The following MAP4K1 variants were observed in gnomAD, a reference collection of about 807,000 sequenced individuals.
The protein encoded by MAP4K1 is mitogen-activated protein kinase kinase kinase kinase 1.
A neutral mutation model predicts 122.8 loss-of-function variants in MAP4K1; 35 were observed. The ratio of observed to expected loss-of-function variants is 0.29; its 90% CI spans 0.22 to 0.38. MAP4K1 has a LOEUF of 0.38. Ranked by LOEUF, MAP4K1 falls within the 10% of genes least tolerant of loss-of-function variation. The probability of loss-of-function intolerance (pLI) is 1.00; values close to 1 mark genes in which losing one functional copy is unlikely to be tolerated. For missense variants in MAP4K1, 791 were observed against 1,072.6 expected, an observed-to-expected ratio of 0.74 and a Z score of 3.67; for synonymous variants, 412 against 421.3, an observed-to-expected ratio of 0.98 and a Z score of 0.27.
At position 38,614,053 on chromosome 19, in the gene MAP4K1, C is replaced by A; in HGVS notation, c.450G>T (p.Glu150Asp). 6.2e-7 allele frequency: 1 copy of A among 1,613,556 alleles called. No individual in the cohort carries two copies. The highest frequency in any genetic ancestry group is 8.5e-7 in the Non-Finnish European group (1 of 1,179,900). Residue 150 changes from glutamate to aspartate, a missense_variant, in exon 7 of 31, where the codon GAG becomes GAT. Transcript: ENST00000396857. The stretch of plus-strand genomic sequence containing the variant: ...CCCAGCCTTACTCACCCAATCTGAC[C>A]TCCCCAGCATCATTGATGAGGATGT... ...GANILINDAG[E>D]VRLADFGISA...
Position 38,587,787 on chromosome 19 carries a change from A to G in MAP4K1, c.2427T>C (p.Asp809=), listed in dbSNP as rs1974566599. 6.2e-7 allele frequency: 1 copy of G among 1,614,054 alleles called. No individual in the cohort carries two copies. The highest frequency in any genetic ancestry group is 1.3e-5 in the African/African-American group (1 of 74,934). The change falls in exon 31 of 31, where the codon GAT becomes GAC. Residue 809 remains aspartate (D), a synonymous_variant. Coordinates refer to ENST00000396857, the MANE Select transcript of MAP4K1 (RefSeq NM_001042600.3). ...AGAGGTTGCTGGGAGCAGTAGGATC[A>G]TCCACTGGGCGTGTCTCCACCACTA... ...RPVVVETRPV[D]DPTAPSNLYI...
At chr19:38,602,431 C>CACAT (rs1975094339) in intron 19 of MAP4K1, among the ~76,000 whole-genome samples, 2 of 143,000 alleles carry the variant, frequency 1.4e-5, no homozygotes, top group Admixed American at 1.4e-4. Context: ...CACACACACA[C>CACAT]ATATATATAC....
Position 38,601,427 on chromosome 19 carries a change from T to G in MAP4K1, c.1531+14A>C. ...ATTCCCTACAGGATCTCCTTGACCC[T>G]CCAGAATGCCCACCCTTGGTGGAGG... is the stretch of plus-strand genomic sequence containing the variant. On this transcript the variant is annotated intron_variant, in intron 20 of 30. Transcript: ENST00000396857. 1 of 1,599,170 alleles carries G rather than the reference T, an allele frequency of 6.3e-7. No individual in the cohort carries two copies. Among genetic ancestry groups the G allele is most frequent in the Non-Finnish European group, 8.5e-7 (1 of 1,172,650 alleles).
chr19:38,602,741 T>C (rs1335265593), intron 19 of MAP4K1, among the ~76,000 whole-genome samples: 1 of 148,938 alleles, frequency 6.7e-6, no homozygotes, highest in Middle Eastern at 4.4e-3. Context: ...TGTATACATA[T>C]ATACACATGT....
intron 19 of MAP4K1, among the ~76,000 whole-genome samples, chr19:38,604,634 C>T (rs894077337): frequency 6.6e-6 from 1 of 151,290 alleles, no homozygotes; most frequent in Admixed American, 6.6e-5. Flanking sequence ...ACTAAAAATA[C>T]AAAAAATTAG....
chr19:38,614,376 A>G lies in MAP4K1; in HGVS notation c.369+14T>C. ...CTCCCCTCCCATCCCCAGAATCCCC[A>G]GGCCTCTCCTTACCTGGAGCACTTC... On this transcript the variant is annotated intron_variant, in intron 5 of 30. Coordinates refer to ENST00000396857, the MANE Select transcript of MAP4K1 (RefSeq NM_001042600.3). 1 of 1,613,574 alleles carries G rather than the reference A, an allele frequency of 6.2e-7. No homozygotes were observed. The highest frequency in any genetic ancestry group is 8.5e-7 in the Non-Finnish European group (1 of 1,179,478).
chr19:38,603,285 T>TAC (rs200991919), intron 19 of MAP4K1, among the ~76,000 whole-genome samples: 1 of 149,054 alleles, frequency 6.7e-6, no homozygotes, highest in Non-Finnish European at 1.5e-5. Flanking sequence ...CACATACATA[T>TAC]ACACACACAC....
At chr19:38,590,437 A>ATATATATATATAT (rs1168613832) in intron 30 of MAP4K1, among the ~76,000 whole-genome samples, 18 of 120,494 alleles carry the variant, frequency 1.5e-4, no homozygotes, top group South Asian at 2.6e-4. Context: ...ATATATATAT[A>ATATATATATATAT]ATCACGGGCG....
intron 17 of MAP4K1, 27 bp downstream of exon 17, chr19:38,606,146 C>T: frequency 6.4e-7 from 1 of 1,571,750 alleles, no homozygotes. Context: ...GAGGCCCCAG[C>T]CTCCCAGCTC....
In MAP4K1 at chr19:38,595,676, G is replaced by T; in HGVS notation, c.2233C>A (p.Pro745Thr). ...EGSPVRGLRT[P>T]EIPMTEAVEA... Reference sequence around the variant, plus strand: ...ACCGCTTCGGTCATGGGGATCTCAGGTGTGCGAAGTCCCCGGACTGGGGAC... The same window carrying T: ...ACCGCTTCGGTCATGGGGATCTCAGTTGTGCGAAGTCCCCGGACTGGGGAC... The change falls in exon 28 of 31, where the codon CCT becomes ACT. Residue 745 changes from proline to threonine, a missense_variant. Physicochemically the swap from Pro to Thr is conservative, Grantham distance 38. Around this residue, in one of 4 missense-constraint regions of MAP4K1, gnomAD observed 267 missense variants for 323.0 expected, o/e 0.83. Transcript: ENST00000396857. 1 of 1,613,324 alleles carries T rather than the reference G, an allele frequency of 6.2e-7. No individual in the cohort carries two copies.
At chr19:38,602,810 A>T (rs1238073551) in intron 19 of MAP4K1, among the ~76,000 whole-genome samples, 1 of 146,078 alleles carries the variant, frequency 6.8e-6, no homozygotes, top group African/African-American at 2.6e-5. Flanking sequence ...ACATATATAC[A>T]TATATACACA....
chr19:38,587,703 G>T lies in MAP4K1; in HGVS notation c.*45C>A. ...ATGCCATGACCACTAGTGTGTCTAT[G>T]GGGGAGGGGGTGCAAGGACTAGTTC... On this transcript the variant is annotated 3_prime_UTR_variant, in exon 31 of 31. Transcript: ENST00000396857. 2 of 1,416,014 alleles carry T rather than the reference G, an allele frequency of 1.4e-6. No individual in the cohort carries two copies. Among genetic ancestry groups the T allele is most frequent in the Non-Finnish European group, 2.0e-6 (2 of 1,000,258 alleles). 87.7% of individuals were successfully genotyped at this position (1,416,014 alleles called of 1,614,324 possible).
chr19:38,607,623 G>C (rs1056002389), intron 16 of MAP4K1, among the ~76,000 whole-genome samples: 5 of 151,902 alleles, frequency 3.3e-5, no homozygotes, highest in African/African-American at 1.2e-4. Context: ...GCTGGAGCTG[G>C]GATCAGGTTG....
chr19:38,587,947 TCC>T, intron 30 of MAP4K1, 130 bp from the exon 31 acceptor site: 1 of 707,258 alleles, frequency 1.4e-6, no homozygotes, highest in Non-Finnish European at 2.6e-6. Flanking sequence ...GCAGACACGG[TCC>T]CTGCCCTTAG....
intron 30 of MAP4K1, chr19:38,589,298 G>T: frequency 3.8e-6 from 1 of 266,150 alleles, no homozygotes; most frequent in Non-Finnish European, 7.6e-6. Context: ...GTGAGACTCT[G>T]ACTCAAAACA....
chr19:38,607,052 T>C (rs1403514587), intron 16 of MAP4K1, among the ~76,000 whole-genome samples: 2 of 151,952 alleles, frequency 1.3e-5, no homozygotes, highest in Non-Finnish European at 2.9e-5. Flanking sequence ...AGCTGAGGGC[T>C]GGGGCTGAAG....
At chr19:38,612,462 T>TA (rs368505569) in intron 9 of MAP4K1, 149 bp downstream of exon 9, 349 of 443,426 alleles carry the variant, frequency 7.9e-4, no homozygotes, top group Non-Finnish European at 1.1e-3. Flanking sequence ...AAATTAAATT[T>TA]AAAAAATAGA....
chr19:38,613,105 C>T (rs61463772), intron 8 of MAP4K1, among the ~76,000 whole-genome samples: 1 of 151,814 alleles, frequency 6.6e-6, no homozygotes, highest in African/African-American at 2.4e-5. Flanking sequence ...GTGAGGAGTT[C>T]GAGACCAGCC....
At position 38,607,887 on chromosome 19, in the gene MAP4K1, G is replaced by T; in HGVS notation, c.1134C>A (p.Asp378Glu). 1 of 1,612,228 alleles carries T rather than the reference G, an allele frequency of 6.2e-7. No individual in the cohort carries two copies. The highest frequency in any genetic ancestry group is 1.1e-5 in the South Asian group (1 of 90,638). The change falls in exon 16 of 31, where the codon GAC becomes GAA. Residue 378 changes from aspartate (D) to glutamate (E), a missense_variant. Transcript: ENST00000396857. The stretch of plus-strand genomic sequence containing the variant: ...ACATGTCCACGTCGTCATAGTCATC[G>T]TCAGACGACTCTGACAGTTGCTTCC... ...SPRKQLSESS[D>E]DDYDDVDIPT...
Sources: gnomAD v4.1 joint callset for allele counts (sites outside exome capture counted in the v4.1 genomes callset) on GRCh38, gnomAD v4.1.1 for gene constraint, gnomAD v4.1.1 regional missense constraint, MANE v1.5 for transcripts, NCBI Gene and HGNC (gene_info 2026-07-23, HGNC 2026-07-21) for gene names.